The following DLC1 variants were observed in gnomAD, a reference collection of about 807,000 sequenced individuals.
DLC1 encodes the protein rho GTPase-activating protein 7.
DLC1 carries 54 observed loss-of-function variants against 140.3 expected under a neutral mutation model. The ratio of observed to expected loss-of-function variants is 0.38; its 90% CI spans 0.31 to 0.48. The LOEUF is 0.48. Among genes scored for constraint, DLC1 ranks in the 20% least tolerant of loss-of-function variants. The pLI is 0.96. For synonymous variants in DLC1, 986 were observed against 728.1 expected, an observed-to-expected ratio of 1.35 and a Z score of -5.70; for missense variants, 2,536 against 1,907.0, an observed-to-expected ratio of 1.33 and a Z score of -6.14.
chr8:13,384,238 C>G (rs1210636659), intron 4 of DLC1, among the ~76,000 whole-genome samples: 1 of 152,144 alleles, frequency 6.6e-6, no homozygotes, highest in Non-Finnish European at 1.5e-5. Context: ...GCCTCTGCCC[C>G]CCATCACAAA....
intron 5 of DLC1, among the ~76,000 whole-genome samples, chr8:13,191,400 G>T (rs1826745544): frequency 6.6e-6 from 1 of 152,178 alleles, no homozygotes; most frequent in African/African-American, 2.4e-5. Flanking sequence ...CTAGCTACTT[G>T]GGAGGCTGAG....
intron 5 of DLC1, among the ~76,000 whole-genome samples, chr8:13,168,129 C>G (rs1353219387): frequency 1.3e-5 from 2 of 152,178 alleles, no homozygotes; most frequent in African/African-American, 4.8e-5. Flanking sequence ...TACTTGTTCT[C>G]CATTTCTTAT....
rs762178916 is a variant in DLC1, at chr8:13,099,982, T to C, written c.2355A>G (p.Ser785=). 5.0e-6 allele frequency: 8 copies of C among 1,612,518 alleles called. No homozygotes were observed. The highest frequency in any genetic ancestry group is 1.7e-6 in the Non-Finnish European group (2 of 1,180,034). Residue 785 remains serine, a synonymous_variant, in exon 9 of 18, where the codon TCA becomes TCG. Coordinates refer to ENST00000276297, the MANE Select transcript of DLC1 (RefSeq NM_182643.3). ...YLEGFDPFNQ[S]TFNNVVEQNF... Reference sequence around the variant, plus strand: ...TCTGCTCCACCACGTTGTTAAATGTTGACTGATTGAAAGGATCGAAGCCCT... The same window carrying C: ...TCTGCTCCACCACGTTGTTAAATGTCGACTGATTGAAAGGATCGAAGCCCT...
chr8:13,088,369 A>G, intron 16 of DLC1, 118 bp downstream of exon 16: 1 of 1,210,490 alleles, frequency 8.3e-7, no homozygotes, highest in Admixed American at 2.4e-5. Context: ...GGTGTGAGCC[A>G]CCATATGCCC....
intron 1 of DLC1, among the ~76,000 whole-genome samples, chr8:13,561,876 A>T (rs1416721192): frequency 6.6e-6 from 1 of 152,236 alleles, no homozygotes; most frequent in African/African-American, 2.4e-5. Flanking sequence ...TTAGTCAAAG[A>T]AATTAGATAT....
At chr8:13,389,610 A>C (rs1836665108) in intron 4 of DLC1, among the ~76,000 whole-genome samples, 1 of 140,500 alleles carries the variant, frequency 7.1e-6, no homozygotes, top group African/African-American at 2.6e-5. Flanking sequence ...TTACTGCTTA[A>C]TTTTCAGCAT....
intron 1 of DLC1, among the ~76,000 whole-genome samples, chr8:13,525,973 A>G (rs1220401330): frequency 2.0e-5 from 3 of 152,158 alleles, no homozygotes; most frequent in Admixed American, 2.0e-4. Context: ...CCTAGGTTCT[A>G]TGACATATGT....
At chr8:13,556,572 A>G (rs921877211) in intron 1 of DLC1, among the ~76,000 whole-genome samples, 1 of 152,032 alleles carries the variant, frequency 6.6e-6, no homozygotes, top group Admixed American at 6.6e-5. Flanking sequence ...TTTTCAAGAG[A>G]TTCTGGGCAG....
intron 1 of DLC1, among the ~76,000 whole-genome samples, chr8:13,568,587 T>TGACTA (rs71207165): frequency 0.83 from 125,759 of 151,640 alleles, 52,512 homozygotes; most frequent in East Asian, 0.96. Flanking sequence ...TTTTTGGAAA[T>TGACTA]GAATAAGAAG....
intron 5 of DLC1, among the ~76,000 whole-genome samples, chr8:13,152,490 G>A (rs952025716): frequency 6.6e-6 from 1 of 152,048 alleles, no homozygotes; most frequent in Non-Finnish European, 1.5e-5. Flanking sequence ...ATGAAGCAGT[G>A]GTTTTAATTT....
At chr8:13,257,839 T>A (rs1830307409) in intron 5 of DLC1, among the ~76,000 whole-genome samples, 1 of 152,126 alleles carries the variant, frequency 6.6e-6, no homozygotes, top group Non-Finnish European at 1.5e-5. Flanking sequence ...CATAGCAATC[T>A]CTCTCTCTGT....
chr8:13,198,306 TA>T (rs1168725202), intron 5 of DLC1, among the ~76,000 whole-genome samples: 8 of 152,178 alleles, frequency 5.3e-5, no homozygotes, highest in Admixed American at 3.9e-4. Flanking sequence ...CTCAGTTTCA[TA>T]GTTCTTCCAT....
chr8:13,108,479 G>C (rs190599566), intron 7 of DLC1, among the ~76,000 whole-genome samples: 4 of 152,272 alleles, frequency 2.6e-5, no homozygotes, highest in Admixed American at 2.0e-4. Context: ...TTCAGAGAAA[G>C]GTGGCTTCTC....
At chr8:13,391,473 C>G (rs1395030756) in intron 4 of DLC1, among the ~76,000 whole-genome samples, 1 of 151,992 alleles carries the variant, frequency 6.6e-6, no homozygotes, top group Non-Finnish European at 1.5e-5. Flanking sequence ...TTAAATATTT[C>G]TTAATTGCGA....
chr8:13,210,476 T>C (rs1332723268), intron 5 of DLC1, among the ~76,000 whole-genome samples: 1 of 152,212 alleles, frequency 6.6e-6, no homozygotes, highest in Non-Finnish European at 1.5e-5. Flanking sequence ...AATCGAAGTA[T>C]GCTAACCCTG....
intron 5 of DLC1, among the ~76,000 whole-genome samples, chr8:13,147,355 T>C (rs1192833076): frequency 1.3e-5 from 2 of 152,218 alleles, no homozygotes; most frequent in Non-Finnish European, 2.9e-5. Context: ...TTCAAGTGAA[T>C]TGAGTATTTC....
At chr8:13,456,824 A>G (rs1289053087) in intron 2 of DLC1, among the ~76,000 whole-genome samples, 1 of 152,190 alleles carries the variant, frequency 6.6e-6, no homozygotes, top group Non-Finnish European at 1.5e-5. Flanking sequence ...GACAAATTCT[A>G]CTACCATTGA....
At chr8:13,349,175 A>G (rs1478199367) in intron 4 of DLC1, among the ~76,000 whole-genome samples, 1 of 152,126 alleles carries the variant, frequency 6.6e-6, no homozygotes, top group Non-Finnish European at 1.5e-5. Flanking sequence ...ATGAGGTGCA[A>G]TGGGGGAAAT....
At position 13,099,517 on chromosome 8, in the gene DLC1, G is replaced by C. The variant is rs1563590451; in HGVS notation, c.2820C>G (p.Val940=). ...GTTTTGGAGAGGACGGGCAGGGAGA[G>C]ACCGAGTCCAGGGCTGAGTCCGAAT... ...EGDSDSALDS[V]SPCPSSPKQI... Residue 940 remains valine (V), a synonymous_variant, in exon 9 of 18, where the codon GTC becomes GTG. Coordinates refer to ENST00000276297, the MANE Select transcript of DLC1 (RefSeq NM_182643.3). 6.2e-7 allele frequency: 1 copy of C among 1,614,160 alleles called. No homozygotes were observed. The highest frequency in any genetic ancestry group is 1.6e-4 in the Middle Eastern group (1 of 6,062).
Sources: allele counts gnomAD v4.1 joint callset (sites outside exome capture counted in the v4.1 genomes callset), GRCh38; gene constraint gnomAD v4.1.1; transcripts MANE v1.5; gene names NCBI Gene and HGNC (gene_info 2026-07-23, HGNC 2026-07-21).